The following HNRNPC variants were observed in gnomAD, a reference collection of about 807,000 sequenced individuals.
HNRNPC encodes the protein heterogeneous nuclear ribonucleoprotein C, also known as heterogeneous nuclear ribonucleoproteins C1/C2.
Under a neutral mutation model 33.2 loss-of-function variants are expected in HNRNPC, and 3 were observed. That is an observed-to-expected ratio of 0.09 (90% confidence interval 0.04 to 0.23). HNRNPC has a LOEUF of 0.23. HNRNPC is among the 10% of genes least tolerant of loss of function. The pLI is 1.00. For missense variants in HNRNPC, 143 were observed against 366.7 expected, an observed-to-expected ratio of 0.39 and a Z score of 4.98; for synonymous variants, 121 against 126.7, an observed-to-expected ratio of 0.96 and a Z score of 0.30.
At chr14:21,218,633 G>C (rs2139509606) in intron 5 of HNRNPC, among the ~76,000 whole-genome samples, 1 of 122,402 alleles carries the variant, frequency 8.2e-6, no homozygotes, top group Non-Finnish European at 1.6e-5. Flanking sequence ...AGTAAGCCAA[G>C]ATCGCACCAC....
At chr14:21,255,365 A>C (rs1170605841) in intron 2 of HNRNPC, among the ~76,000 whole-genome samples, 3 of 152,342 alleles carry the variant, frequency 2.0e-5, no homozygotes, top group South Asian at 4.1e-4. Flanking sequence ...AATAAAAAAA[A>C]AGTTCTCTAA....
chr14:21,232,172 A>AT (rs1894190792), intron 3 of HNRNPC, among the ~76,000 whole-genome samples: 1 of 152,108 alleles, frequency 6.6e-6, no homozygotes, highest in South Asian at 2.1e-4. Context: ...CCAAACAAGA[A>AT]TTTATCTTCT....
At chr14:21,218,683 A>C (rs1384917745) in intron 5 of HNRNPC, among the ~76,000 whole-genome samples, 1 of 95,024 alleles carries the variant, frequency 1.1e-5, no homozygotes, top group Admixed American at 9.6e-5. Context: ...CTCTCTCTCA[A>C]AAAAAAAAAA....
chr14:21,238,371 C>A (rs1311267460), intron 2 of HNRNPC, among the ~76,000 whole-genome samples: 1 of 152,144 alleles, frequency 6.6e-6, no homozygotes, highest in African/African-American at 2.4e-5. Context: ...ACATAAAAAT[C>A]ATTTAAGAAC....
chr14:21,212,857 T>C (rs1258442675), intron 6 of HNRNPC, 103 bp downstream of exon 6: 1 of 1,428,558 alleles, frequency 7.0e-7, no homozygotes, highest in East Asian at 2.3e-5. Flanking sequence ...TTCCATTATT[T>C]TGAATACACA....
chr14:21,251,966 C>T (rs1177377778), intron 2 of HNRNPC, among the ~76,000 whole-genome samples: 1 of 152,018 alleles, frequency 6.6e-6, no homozygotes, highest in African/African-American at 2.4e-5. Context: ...AAATAATAAC[C>T]TAGCAGCCCA....
intron 2 of HNRNPC, among the ~76,000 whole-genome samples, chr14:21,259,754 TCTC>T (rs968841329): frequency 5.9e-5 from 9 of 152,026 alleles, no homozygotes; most frequent in African/African-American, 2.2e-4. Context: ...CCTTTATTAA[TCTC>T]CTACTTCCAA....
intron 1 of HNRNPC, among the ~76,000 whole-genome samples, chr14:21,266,360 A>C (rs925674424): frequency 3.9e-5 from 6 of 152,002 alleles, no homozygotes; most frequent in African/African-American, 1.5e-4. Context: ...CAGCCTCCCA[A>C]AGTGCTGGGA....
chr14:21,217,808 T>C (rs1892352844), intron 5 of HNRNPC, among the ~76,000 whole-genome samples: 1 of 152,208 alleles, frequency 6.6e-6, no homozygotes, highest in South Asian at 2.1e-4. Context: ...GGAATAAAAT[T>C]TGACATCTTA....
At chr14:21,226,333 A>G (rs1420177025) in intron 5 of HNRNPC, among the ~76,000 whole-genome samples, 220 of 151,536 alleles carry the variant, frequency 1.5e-3, no homozygotes, top group African/African-American at 4.9e-3. Flanking sequence ...AAAAGAAAAA[A>G]AAAAAAAAAA....
chr14:21,241,257 C>CAAAGAA (rs1895304887), intron 2 of HNRNPC, among the ~76,000 whole-genome samples: 1 of 94,032 alleles, frequency 1.1e-5, no homozygotes, highest in Non-Finnish European at 2.0e-5. Context: ...GACTATGTCT[C>CAAAGAA]AAAAAAAAAA....
chr14:21,216,538 T>G (rs1892211113), intron 5 of HNRNPC, among the ~76,000 whole-genome samples: 1 of 152,146 alleles, frequency 6.6e-6, no homozygotes, highest in Non-Finnish European at 1.5e-5. Flanking sequence ...TGAAACCCAG[T>G]GTCTACTAAA....
chr14:21,218,681 C>CAAAAAAAAAAAAAAAAAA (rs71112557), intron 5 of HNRNPC, among the ~76,000 whole-genome samples: 2 of 51,254 alleles, frequency 3.9e-5, no homozygotes, highest in African/African-American at 2.1e-4. Context: ...AACTCTCTCT[C>CAAAAAAAAAAAAAAAAAA]AAAAAAAAAA....
chr14:21,223,746 TCAAAAAA>T (rs1390183852), intron 5 of HNRNPC, among the ~76,000 whole-genome samples: 5 of 152,052 alleles, frequency 3.3e-5, no homozygotes, highest in African/African-American at 4.8e-5. Context: ...ACATCAGGTC[TCAAAAAA>T]CAAAAAACAA....
chr14:21,237,382 ATC>A (rs1334411801), intron 2 of HNRNPC, among the ~76,000 whole-genome samples: 1 of 152,230 alleles, frequency 6.6e-6, no homozygotes, highest in Non-Finnish European at 1.5e-5. Context: ...GTTAAAATTT[ATC>A]TGTTTAAGAA....
At position 21,209,394 on chromosome 14, in the gene HNRNPC, C is replaced by CA. The variant is rs983018186; in HGVS notation, c.*1828dup. On this transcript the variant is annotated 3_prime_UTR_variant, in exon 9 of 9. Coordinates refer to ENST00000553300, the MANE Select transcript of HNRNPC (RefSeq NM_004500.4). ...ACTTACAGCTAACAATAATATTAAACAGGTTTTATTAGCATCTTATACATC... is the reference window on the plus strand; with the variant it reads ...ACTTACAGCTAACAATAATATTAAACAAGGTTTTATTAGCATCTTATACATC... The CA allele has an allele frequency of 2.4e-4, 37 of 152,254 alleles. No homozygotes were observed. Among genetic ancestry groups the CA allele is most frequent in the African/African-American group, 8.4e-4 (35 of 41,544 alleles). The allele number at this position is 152,254 out of a possible 1,614,324, so 9.4% of individuals were successfully genotyped here. A position where few individuals can be genotyped will look rare whatever the true frequency, so the allele number is the denominator to read the frequency against.
At chr14:21,234,582 C>T (rs2139660573) in intron 2 of HNRNPC, among the ~76,000 whole-genome samples, 1 of 152,276 alleles carries the variant, frequency 6.6e-6, no homozygotes, top group East Asian at 1.9e-4. Flanking sequence ...CCTAAATTCT[C>T]TGACACCAGT....
intron 2 of HNRNPC, among the ~76,000 whole-genome samples, chr14:21,244,094 T>C (rs1178968124): frequency 2.0e-5 from 3 of 151,978 alleles, no homozygotes. Flanking sequence ...AGTGTTGCGA[T>C]CTTCGATCAC....
chr14:21,266,849 G>A (rs891298589), intron 1 of HNRNPC, among the ~76,000 whole-genome samples: 1 of 151,846 alleles, frequency 6.6e-6, no homozygotes, highest in African/African-American at 2.4e-5. Flanking sequence ...CCAGCACCTT[G>A]GGAGGCCAAG....
Sources: allele counts gnomAD v4.1 joint callset (sites outside exome capture counted in the v4.1 genomes callset), GRCh38; gene constraint gnomAD v4.1.1; transcripts MANE v1.5; gene names NCBI Gene and HGNC (gene_info 2026-07-23, HGNC 2026-07-21).